The following SHISA9 variants were observed in gnomAD, a reference collection of about 807,000 sequenced individuals.
SHISA9 encodes shisa family member 9, also known as protein shisa-9.
In SHISA9, 13 loss-of-function variants were observed where a neutral mutation model predicts 38.0. That is an observed-to-expected ratio of 0.34 (90% CI 0.22 to 0.54). The LOEUF is 0.54. Ranked by LOEUF, SHISA9 falls within the 20% of genes least tolerant of loss-of-function variation. SHISA9 has a pLI of 0.91. For missense variants in SHISA9, 538 were observed against 575.8 expected (o/e 0.93, Z 0.67); for synonymous variants, 275 against 242.0 (o/e 1.14, Z -1.27).
chr16:13,300,425 G>C, the SHISA9 span, among the ~76,000 whole-genome samples: 1 of 152,060 alleles, frequency 6.6e-6, no homozygotes, highest in Non-Finnish European at 1.5e-5. Context: ...AAATCGGAGA[G>C]GTGCATATTC....
At chr16:13,110,199 T>C (rs757135528) in intron 2 of SHISA9, among the ~76,000 whole-genome samples, 84 of 152,318 alleles carry the variant, frequency 5.5e-4, no homozygotes, top group Admixed American at 1.2e-3. Flanking sequence ...TGCAATGGAA[T>C]GTTCAGGTCC....
At chr16:13,384,470 T>C in the SHISA9 span, among the ~76,000 whole-genome samples, 1 of 152,224 alleles carries the variant, frequency 6.6e-6, no homozygotes. Context: ...ATTCAGCATA[T>C]GGCATGAGAA....
the SHISA9 span, among the ~76,000 whole-genome samples, chr16:13,493,697 A>G: frequency 6.6e-6 from 1 of 151,626 alleles, no homozygotes; most frequent in African/African-American, 2.4e-5. Context: ...GAGAGCCAAG[A>G]TGTGAGAACT....
At chr16:13,228,702 A>AT (rs569746162) in intron 4 of SHISA9, among the ~76,000 whole-genome samples, 4,905 of 151,862 alleles carry the variant, frequency 0.032, 238 homozygotes, top group African/African-American at 0.11. Flanking sequence ...TTGCTCATAT[A>AT]TTTTTTTTAA....
chr16:13,367,550 CA>C, the SHISA9 span, among the ~76,000 whole-genome samples: 3 of 151,038 alleles, frequency 2.0e-5, no homozygotes. Flanking sequence ...ATTTTGGACC[CA>C]AAATCTGTTG....
At chr16:13,330,033 T>C in the SHISA9 span, among the ~76,000 whole-genome samples, 3 of 152,250 alleles carry the variant, frequency 2.0e-5, no homozygotes, top group Non-Finnish European at 4.4e-5. Flanking sequence ...GGATCAGCCA[T>C]GGCTTACTCA....
At chr16:13,378,523 C>T in the SHISA9 span, among the ~76,000 whole-genome samples, 5 of 152,162 alleles carry the variant, frequency 3.3e-5, no homozygotes, top group East Asian at 7.7e-4. Flanking sequence ...GTCTACTTGA[C>T]CAGCCCTTGT....
intron 2 of SHISA9, among the ~76,000 whole-genome samples, chr16:13,111,708 G>A (rs868425625): frequency 6.6e-5 from 10 of 152,242 alleles, no homozygotes; most frequent in Middle Eastern, 3.4e-3. Context: ...CCTATTCCAG[G>A]TAACCTCAAG....
chr16:13,011,615 G>C (rs976546964), intron 2 of SHISA9, among the ~76,000 whole-genome samples: 2 of 151,838 alleles, frequency 1.3e-5, no homozygotes, highest in African/African-American at 4.8e-5. Flanking sequence ...TCTGCCTCCC[G>C]GGTTCATTCC....
chr16:12,902,339 C>A lies in SHISA9; in HGVS notation c.275C>A (p.Ser92Ter). 6.4e-7 allele frequency: 1 copy of A among 1,551,444 alleles called. No homozygotes were observed. The change falls in exon 1 of 5, where the codon TCG (serine) becomes TAG (stop). Residue 92 changes from serine (S) to a stop codon, truncating the protein, a stop_gained. Coordinates refer to ENST00000558583, the MANE Select transcript of SHISA9 (RefSeq NM_001145204.3). LOFTEE classifies it high-confidence loss of function. ...TGGGACCCGCCGTTCAACTGCAGCT[C>A]GGGCGACTTCATCTTCTGCTGCGGG... Reference protein sequence around the residue: ...GQWDPPFNCSSGDFIFCCGTC... With the variant: ...GQWDPPFNCS
the SHISA9 span, among the ~76,000 whole-genome samples, chr16:13,362,869 T>A: frequency 1.3e-5 from 2 of 152,234 alleles, no homozygotes; most frequent in African/African-American, 4.8e-5. Flanking sequence ...ACTGAGAATT[T>A]TCTTTAATCC....
At chr16:13,186,056 AT>A (rs2050818940) in intron 2 of SHISA9, among the ~76,000 whole-genome samples, 1 of 152,090 alleles carries the variant, frequency 6.6e-6, no homozygotes, top group Admixed American at 6.6e-5. Context: ...CAGAGAGAAC[AT>A]TTGCTTTGGA....
At chr16:13,311,813 T>C in the SHISA9 span, among the ~76,000 whole-genome samples, 5 of 152,326 alleles carry the variant, frequency 3.3e-5, no homozygotes, top group African/African-American at 1.2e-4. Context: ...TACTTACCAG[T>C]TACGATTTTG....
At chr16:13,019,458 C>CT (rs981460847) in intron 2 of SHISA9, among the ~76,000 whole-genome samples, 84 of 149,272 alleles carry the variant, frequency 5.6e-4, no homozygotes, top group South Asian at 1.7e-3. Flanking sequence ...TCTGGCGTCT[C>CT]TTTTTTTTTT....
chr16:13,229,507 C>G (rs886820169), intron 4 of SHISA9, among the ~76,000 whole-genome samples: 1 of 152,162 alleles, frequency 6.6e-6, no homozygotes, highest in Non-Finnish European at 1.5e-5. Flanking sequence ...CTGTGGTTCT[C>G]AACCCTGGCT....
At chr16:13,418,700 C>A in the SHISA9 span, among the ~76,000 whole-genome samples, 1 of 152,180 alleles carries the variant, frequency 6.6e-6, no homozygotes, top group Non-Finnish European at 1.5e-5. Context: ...AAAGAGATGG[C>A]ATGATTTTAT....
the SHISA9 span, among the ~76,000 whole-genome samples, chr16:13,522,358 GT>G: frequency 3.3e-5 from 5 of 152,228 alleles, no homozygotes; most frequent in African/African-American, 9.6e-5. Flanking sequence ...ACTTTGAACA[GT>G]TTTCATCCTA....
the SHISA9 span, among the ~76,000 whole-genome samples, chr16:13,254,054 G>A: frequency 4.6e-5 from 7 of 152,226 alleles, no homozygotes; most frequent in East Asian, 1.3e-3. Context: ...TCAAAATGGA[G>A]CTCTGGCTTC....
the SHISA9 span, among the ~76,000 whole-genome samples, chr16:13,550,360 C>T: frequency 2.0e-5 from 3 of 152,312 alleles, no homozygotes; most frequent in Admixed American, 6.5e-5. Flanking sequence ...GTAAGTGCCT[C>T]GCCACCTCAA....
Sources: allele counts gnomAD v4.1 joint callset (sites outside exome capture counted in the v4.1 genomes callset), GRCh38; gene constraint gnomAD v4.1.1; transcripts MANE v1.5; gene names NCBI Gene and HGNC (gene_info 2026-07-23, HGNC 2026-07-21).